Variants in MAD1L1 observed in about 807,000 individuals in gnomAD.
MAD1L1 encodes mitotic arrest deficient 1 like 1, also known as mitotic spindle assembly checkpoint protein MAD1.
A neutral mutation model predicts 96.9 loss-of-function variants in MAD1L1; 95 were observed. The observed-to-expected ratio is 0.98, with a 90% confidence interval of 0.83 to 1.16. The LOEUF (loss-of-function observed/expected upper bound fraction) is 1.16, where lower values mean the gene tolerates loss of function less well. MAD1L1 is among the 50% of genes most tolerant of loss of function. MAD1L1 has a pLI of 0.00. For missense variants in MAD1L1, 1,007 were observed against 954.4 expected, an observed-to-expected ratio of 1.06 and a Z score of -0.73; for synonymous variants, 473 against 396.6, an observed-to-expected ratio of 1.19 and a Z score of -2.29.
intron 14 of MAD1L1, among the ~76,000 whole-genome samples, chr7:1,998,257 G>A (rs1781645358): frequency 6.6e-6 from 1 of 152,124 alleles, no homozygotes; most frequent in African/African-American, 2.4e-5. Context: ...CACAAAAGAG[G>A]ACTGGAGTGA....
chr7:2,161,800 C>T (rs1206367358), intron 10 of MAD1L1, among the ~76,000 whole-genome samples: 1 of 151,814 alleles, frequency 6.6e-6, no homozygotes, highest in African/African-American at 2.4e-5. Flanking sequence ...CACCGCCACC[C>T]CGTCTGGGAG....
At chr7:1,929,155 C>T (rs1042393903) in intron 17 of MAD1L1, among the ~76,000 whole-genome samples, 23 of 152,152 alleles carry the variant, frequency 1.5e-4, no homozygotes, top group Non-Finnish European at 3.1e-4. Flanking sequence ...CCTCCCTCCT[C>T]CCCTCCCGGG....
At chr7:2,123,745 C>T (rs1194456082) in intron 11 of MAD1L1, among the ~76,000 whole-genome samples, 2 of 152,188 alleles carry the variant, frequency 1.3e-5, no homozygotes, top group South Asian at 2.1e-4. Flanking sequence ...GATCCTCCGG[C>T]GGCGTGGTGC....
At chr7:1,867,645 C>T (rs186085767) in intron 18 of MAD1L1, among the ~76,000 whole-genome samples, 14 of 152,346 alleles carry the variant, frequency 9.2e-5, no homozygotes, top group African/African-American at 2.9e-4. Context: ...TTCCAGGAAC[C>T]TGCGCCTGAG....
intron 17 of MAD1L1, among the ~76,000 whole-genome samples, chr7:1,934,043 G>C (rs2128462422): frequency 6.6e-6 from 1 of 152,338 alleles, no homozygotes; most frequent in East Asian, 1.9e-4. Context: ...CCCTCTGTGG[G>C]GTTAGGCCTT....
In MAD1L1 at chr7:1,882,835, T is replaced by A. The variant is rs376510888; in HGVS notation, c.1998+15365A>T. On this transcript the variant is annotated intron_variant, in intron 18 of 18. Transcript: ENST00000265854. Reference sequence around the variant, plus strand: ...CTCTGATCCTGGGTCGGTGCTGAGGTGAGAAGGCACTGGCAGTTTTGCTCC... The same window carrying A: ...CTCTGATCCTGGGTCGGTGCTGAGGAGAGAAGGCACTGGCAGTTTTGCTCC... Among the ~76,000 whole-genome samples the A allele has an allele frequency of 3.9e-5, 6 of 152,290 alleles. No individual in the cohort carries two copies. In the East Asian group the frequency reaches 1.2e-3, roughly 29 times the overall value.
In MAD1L1 at chr7:1,850,953, C is replaced by T. The variant is rs547320778; in HGVS notation, c.1999-34725G>A. On this transcript the variant is annotated intron_variant, in intron 18 of 18. Coordinates refer to ENST00000265854, the MANE Select transcript of MAD1L1 (RefSeq NM_001013836.2). Reference sequence around the variant, plus strand: ...GGGCATCAGAGAGCAGGAAGAGACACGAGAAGGGCCTGGCGTCGCGTCCGT... The same window carrying T: ...GGGCATCAGAGAGCAGGAAGAGACATGAGAAGGGCCTGGCGTCGCGTCCGT... Among the ~76,000 whole-genome samples, 13 of 152,288 alleles carry T rather than the reference C, an allele frequency of 8.5e-5. No homozygotes were observed. The East Asian group carries it at 9.7e-4, about 11-fold the overall frequency.
intron 11 of MAD1L1, among the ~76,000 whole-genome samples, chr7:2,079,191 G>A (rs571623988): frequency 6.6e-6 from 1 of 152,368 alleles, no homozygotes; most frequent in East Asian, 1.9e-4. Flanking sequence ...AGGTGAAAGA[G>A]AGGGGCAAGC....
intron 11 of MAD1L1, among the ~76,000 whole-genome samples, chr7:2,137,939 C>T (rs572722144): frequency 4.9e-4 from 74 of 152,280 alleles, no homozygotes; most frequent in African/African-American, 1.6e-3. Context: ...GGTGCCATGT[C>T]GGATAACTAT....
chr7:2,207,998 C>A (rs1792688427), intron 10 of MAD1L1, among the ~76,000 whole-genome samples: 1 of 152,126 alleles, frequency 6.6e-6, no homozygotes, highest in African/African-American at 2.4e-5. Flanking sequence ...TGGGGGAAAC[C>A]TTCCAGTATC....
chr7:1,986,685 CA>C (rs925809755), intron 14 of MAD1L1, among the ~76,000 whole-genome samples: 1 of 152,196 alleles, frequency 6.6e-6, no homozygotes, highest in Non-Finnish European at 1.5e-5. Flanking sequence ...GCTTGGTTTG[CA>C]GCTGCATTTC....
intron 15 of MAD1L1, among the ~76,000 whole-genome samples, chr7:1,970,331 C>CTTTTTTTT (rs34240381): frequency 8.6e-6 from 1 of 116,516 alleles, no homozygotes; most frequent in Non-Finnish European, 1.8e-5. Context: ...TTAATTTTTA[C>CTTTTTTTT]TTTTTTTTTT....
At chr7:2,008,690 G>A (rs1782146578) in intron 13 of MAD1L1, among the ~76,000 whole-genome samples, 1 of 152,186 alleles carries the variant, frequency 6.6e-6, no homozygotes, top group African/African-American at 2.4e-5. Context: ...CCCGGGCTGG[G>A]TGCAGACACA....
At chr7:2,010,913 G>A (rs1385401002) in intron 13 of MAD1L1, among the ~76,000 whole-genome samples, 2 of 152,206 alleles carry the variant, frequency 1.3e-5, no homozygotes, top group African/African-American at 2.4e-5. Context: ...GGGACAGAGG[G>A]GTGAACAGAG....
At chr7:1,832,642 G>GC (rs1200679659) in intron 18 of MAD1L1, among the ~76,000 whole-genome samples, 1 of 51,748 alleles carries the variant, frequency 1.9e-5, no homozygotes, top group East Asian at 5.3e-4. Context: ...GCGGGGGGGG[G>GC]GGGGGTGGGG....
chr7:1,975,268 T>A (rs565875599), intron 15 of MAD1L1, among the ~76,000 whole-genome samples: 1 of 152,228 alleles, frequency 6.6e-6, no homozygotes, highest in Non-Finnish European at 1.5e-5. Flanking sequence ...CCAGGCCCCC[T>A]CGGGGCCACG....
intron 15 of MAD1L1, among the ~76,000 whole-genome samples, chr7:1,962,493 C>T (rs1779994344): frequency 6.6e-6 from 1 of 152,090 alleles, no homozygotes; most frequent in Admixed American, 6.5e-5. Flanking sequence ...CTTCAAAATA[C>T]CTGATGAAAG....
chr7:2,049,175 A>C lies in MAD1L1; in HGVS notation c.1218+20019T>G, dbSNP rs73672022. On this transcript the variant is annotated intron_variant, in intron 12 of 18. Coordinates refer to ENST00000265854, the MANE Select transcript of MAD1L1 (RefSeq NM_001013836.2). ...GCATGCTTCATTCTTCCAGAGAGGA[A>C]GCAAAGGCAAAGAGAGGGAAAGGGA... Among the ~76,000 whole-genome samples the C allele has an allele frequency of 6.4e-3, 971 of 152,350 alleles. 10 individuals are homozygous for C. Among genetic ancestry groups the C allele is most frequent in the African/African-American group, 0.022 (898 of 41,590 alleles).
intron 18 of MAD1L1, among the ~76,000 whole-genome samples, 172 bp from the exon 19 acceptor site, chr7:1,816,400 G>A (rs555140363): frequency 1.8e-4 from 27 of 152,282 alleles, no homozygotes; most frequent in Admixed American, 8.5e-4. Context: ...GTCACCTAAA[G>A]GGACTGAATT....
Sources: gnomAD v4.1 joint callset for allele counts (sites outside exome capture counted in the v4.1 genomes callset) on GRCh38, gnomAD v4.1.1 for gene constraint, MANE v1.5 for transcripts, NCBI Gene and HGNC (gene_info 2026-07-23, HGNC 2026-07-21) for gene names.